The following FGF13 variants were observed in gnomAD, a reference collection of about 807,000 sequenced individuals.
FGF13 encodes fibroblast growth factor homologous factor 2.
Under a neutral mutation model 19.5 loss-of-function variants are expected in FGF13, and 2 were observed. The ratio of observed to expected loss-of-function variants is 0.10; its 90% CI spans 0.04 to 0.32. The LOEUF is 0.32. Among genes scored for constraint, FGF13 ranks in the 10% least tolerant of loss-of-function variants. FGF13 has a pLI of 1.00. For missense variants in FGF13, 113 were observed against 192.7 expected (o/e 0.59, Z 2.45); for synonymous variants, 72 against 76.9 (o/e 0.94, Z 0.33).
intron 1 of FGF13, among the ~76,000 whole-genome samples, chrX:139,025,308 T>C (rs191221756): frequency 8.9e-6 from 1 of 112,074 alleles, no homozygotes; most frequent in East Asian, 2.8e-4. Flanking sequence ...CAGTCCATTT[T>C]CTATTCTGCT....
At chrX:138,812,106 T>A (rs1487926547) in intron 3 of FGF13, among the ~76,000 whole-genome samples, 3 of 111,300 alleles carry the variant, frequency 2.7e-5, no homozygotes, top group African/African-American at 9.8e-5. Context: ...AGCACTAACC[T>A]ACCATCTGTC....
At chrX:138,678,508 G>A (rs1162807349) in intron 3 of FGF13, among the ~76,000 whole-genome samples, 1 of 111,370 alleles carries the variant, frequency 9.0e-6, no homozygotes, top group Non-Finnish European at 1.9e-5. Flanking sequence ...CTGATATATG[G>A]CATTCACATT....
chrX:138,648,116 C>T (rs1602652839), intron 3 of FGF13, among the ~76,000 whole-genome samples: 1 of 111,774 alleles, frequency 8.9e-6, no homozygotes, highest in Admixed American at 9.5e-5. Context: ...GTTCTTTTAC[C>T]ATCAACCTCT....
intron 1 of FGF13, among the ~76,000 whole-genome samples, chrX:138,936,659 T>A (rs1337386239): frequency 1.8e-5 from 2 of 112,295 alleles, no homozygotes; most frequent in Non-Finnish European, 3.8e-5. Flanking sequence ...GGCTAACTCC[T>A]GCTCACTCTA....
chrX:138,647,119 G>A (rs2089315469), intron 3 of FGF13, among the ~76,000 whole-genome samples: 1 of 107,751 alleles, frequency 9.3e-6, no homozygotes. Context: ...GGTAAGTAAA[G>A]TTCTTCTGTA....
At chrX:138,676,586 C>G (rs1245380429) in intron 3 of FGF13, among the ~76,000 whole-genome samples, 1 of 111,528 alleles carries the variant, frequency 9.0e-6, no homozygotes, top group Non-Finnish European at 1.9e-5. Flanking sequence ...GGACTGATTT[C>G]ATGGGAGAAA....
rs1375136783 is a variant in FGF13, at chrX:138,619,573, TGAC to T, written c.*13274_*13276del. On this transcript the variant is annotated 3_prime_UTR_variant, in exon 5 of 5. Coordinates refer to ENST00000315930, the MANE Select transcript of FGF13 (RefSeq NM_004114.5). ...AGAAAATTTTTGCAATCTATCCATC[TGAC>T]AACGGTCTAATATCCAGAATCTACA... 1 of 111,044 alleles carries T rather than the reference TGAC, an allele frequency of 9.0e-6. No individual in the cohort carries two copies. Among genetic ancestry groups the T allele is most frequent in the Non-Finnish European group, 1.9e-5 (1 of 53,057 alleles). The allele number at this position is 111,044 out of a possible 1,213,427, so 9.2% of individuals were successfully genotyped here.
rs1487185541 is a variant in FGF13, at chrX:139,145,475, G to A, written c.-113+57941C>T. The stretch of plus-strand genomic sequence containing the variant: ...AGTTCAATAAAGCTATTTAAAAATA[G>A]GAGAAAAAAGCTTCAAAAATGCTGT... On this transcript the variant is annotated intron_variant, in intron 1 of 2. Coordinates refer to the FGF13 transcript ENST00000421460. Among the ~76,000 whole-genome samples the A allele has an allele frequency of 2.7e-5, 3 of 110,767 alleles. No homozygotes were observed. The East Asian group carries it at 8.5e-4, about 31-fold the overall frequency.
chrX:138,975,045 G>C (rs1478387563), intron 1 of FGF13, among the ~76,000 whole-genome samples: 2 of 112,654 alleles, frequency 1.8e-5, no homozygotes, highest in African/African-American at 6.4e-5. Context: ...ACACTTTGAT[G>C]GTTGTGCTCA....
chrX:138,924,831 G>T (rs1400782621), intron 1 of FGF13, among the ~76,000 whole-genome samples: 1 of 44,746 alleles, frequency 2.2e-5, no homozygotes, highest in Non-Finnish European at 4.2e-5. Flanking sequence ...TTTGAGGTAG[G>T]GGGAAAGTTA....
chrX:138,731,349 T>C (rs1207091181), intron 1 of FGF13, among the ~76,000 whole-genome samples: 1 of 109,866 alleles, frequency 9.1e-6, no homozygotes, highest in Non-Finnish European at 1.9e-5. Context: ...GTATGTTATC[T>C]GACTGCCAAA....
chrX:138,992,975 C>G (rs1406375080), intron 1 of FGF13, among the ~76,000 whole-genome samples: 2 of 111,938 alleles, frequency 1.8e-5, no homozygotes, highest in African/African-American at 6.5e-5. Flanking sequence ...AATTATGTAC[C>G]TCTTGATATC....
chrX:138,972,632 C>T (rs1224340059), intron 1 of FGF13, among the ~76,000 whole-genome samples: 1 of 111,365 alleles, frequency 9.0e-6, no homozygotes, highest in Non-Finnish European at 1.9e-5. Flanking sequence ...GCTGGGATTA[C>T]AGGTGTGAGC....
At chrX:139,089,528 T>C (rs1169510422) in intron 1 of FGF13, among the ~76,000 whole-genome samples, 1 of 111,586 alleles carries the variant, frequency 9.0e-6, no homozygotes, top group East Asian at 2.8e-4. Context: ...TCAATGGTTA[T>C]GGGCTGATAT....
chrX:138,891,787 C>T (rs1216604872), intron 1 of FGF13, among the ~76,000 whole-genome samples: 1 of 110,154 alleles, frequency 9.1e-6, no homozygotes, highest in Non-Finnish European at 1.9e-5. Flanking sequence ...ATAAAGCAGG[C>T]AGAAAAACAT....
chrX:139,159,896 C>T (rs974573328), intron 1 of FGF13, among the ~76,000 whole-genome samples: 2 of 111,044 alleles, frequency 1.8e-5, no homozygotes, highest in Non-Finnish European at 3.8e-5. Flanking sequence ...TACTGGGAGA[C>T]TTTAACACCT....
chrX:139,101,832 T>A (rs1016490002), intron 1 of FGF13, among the ~76,000 whole-genome samples: 13 of 112,042 alleles, frequency 1.2e-4, no homozygotes, highest in African/African-American at 3.2e-4. Context: ...CCAATGGTGG[T>A]TAAGACCAGC....
intron 1 of FGF13, among the ~76,000 whole-genome samples, chrX:138,983,414 T>TTATAGATATATATATATATATA (rs2091972273): frequency 6.2e-5 from 5 of 81,196 alleles, no homozygotes; most frequent in Non-Finnish European, 1.2e-4. Flanking sequence ...TAAGTTGATC[T>TTATAGATATATATATATATATA]TATATATATA....
At chrX:138,807,739 A>T (rs1276019655) in intron 3 of FGF13, among the ~76,000 whole-genome samples, 1 of 111,620 alleles carries the variant, frequency 9.0e-6, no homozygotes, top group Admixed American at 9.6e-5. Context: ...AAATAAAAGG[A>T]TGGAGGAAGA....
Sources: allele counts gnomAD v4.1 joint callset (sites outside exome capture counted in the v4.1 genomes callset), GRCh38; gene constraint gnomAD v4.1.1; transcripts MANE v1.5; gene names NCBI Gene and HGNC (gene_info 2026-07-23, HGNC 2026-07-21).